Variants in DCC observed in about 807,000 individuals in gnomAD.
DCC encodes the protein netrin receptor DCC.
A neutral mutation model predicts 172.5 loss-of-function variants in DCC; 58 were observed. The ratio of observed to expected loss-of-function variants is 0.34; its 90% CI spans 0.27 to 0.42. DCC has a LOEUF of 0.42. DCC is among the 10% of genes least tolerant of loss of function. The pLI, the probability that DCC is intolerant of heterozygous loss-of-function variation, is 1.00. For synonymous variants in DCC, 709 were observed against 644.5 expected (o/e 1.10, Z -1.52); for missense variants, 1,740 against 1,791.0 (o/e 0.97, Z 0.51).
At chr18:52,576,938 A>T (rs2033428841) in intron 1 of DCC, among the ~76,000 whole-genome samples, 1 of 152,092 alleles carries the variant, frequency 6.6e-6, no homozygotes, top group Non-Finnish European at 1.5e-5. Context: ...AACTCTACAC[A>T]CATTTCATGT....
intron 2 of DCC, among the ~76,000 whole-genome samples, chr18:52,829,716 G>C (rs181778587): frequency 1.7e-4 from 26 of 152,238 alleles, no homozygotes; most frequent in African/African-American, 6.0e-4. Context: ...AAAAATTACT[G>C]AGTGTATACT....
intron 23 of DCC, among the ~76,000 whole-genome samples, chr18:53,453,395 T>A (rs988591711): frequency 6.6e-6 from 1 of 152,206 alleles, no homozygotes; most frequent in Non-Finnish European, 1.5e-5. Flanking sequence ...AATTAATAAG[T>A]TGAAGTAGAA....
intron 5 of DCC, among the ~76,000 whole-genome samples, chr18:52,945,531 C>A (rs1480176670): frequency 1.3e-5 from 2 of 152,134 alleles, no homozygotes; most frequent in African/African-American, 4.8e-5. Flanking sequence ...TCTATTATTG[C>A]TTTATTATTG....
At chr18:53,032,664 G>C (rs1189070231) in intron 5 of DCC, among the ~76,000 whole-genome samples, 1 of 152,044 alleles carries the variant, frequency 6.6e-6, no homozygotes, top group Non-Finnish European at 1.5e-5. Flanking sequence ...AAATGAATAA[G>C]AAAAATGCCC....
chr18:53,099,909 C>T (rs2043139770), intron 7 of DCC, among the ~76,000 whole-genome samples: 1 of 148,168 alleles, frequency 6.7e-6, no homozygotes. Flanking sequence ...GAGTTTCACT[C>T]ACTTAAGAGA....
chr18:52,757,603 G>A (rs13381401), intron 2 of DCC, among the ~76,000 whole-genome samples: 31,441 of 151,762 alleles, frequency 0.21, 4,605 homozygotes, highest in African/African-American at 0.41. Flanking sequence ...TGGGGATGGC[G>A]TGGGACAGGC....
chr18:52,719,552 G>A (rs1251618957), intron 1 of DCC, among the ~76,000 whole-genome samples: 1 of 150,694 alleles, frequency 6.6e-6, no homozygotes, highest in African/African-American at 2.4e-5. Context: ...TAAAGAAACA[G>A]AGACCATCCT....
intron 5 of DCC, among the ~76,000 whole-genome samples, chr18:52,990,195 T>C (rs1568231119): frequency 6.6e-6 from 1 of 152,152 alleles, no homozygotes; most frequent in Non-Finnish European, 1.5e-5. Flanking sequence ...TGATCTTTTC[T>C]CAATACTAGA....
intron 8 of DCC, among the ~76,000 whole-genome samples, chr18:53,158,670 C>T (rs374435838): frequency 6.6e-6 from 1 of 151,976 alleles, no homozygotes; most frequent in African/African-American, 2.4e-5. Context: ...TTTCTGTTAT[C>T]TTTTACAAAT....
chr18:53,130,646 T>C (rs544048337), intron 7 of DCC, among the ~76,000 whole-genome samples: 1 of 152,144 alleles, frequency 6.6e-6, no homozygotes, highest in South Asian at 2.1e-4. Context: ...AATTGTCTTG[T>C]TTTCAACCCC....
intron 5 of DCC, among the ~76,000 whole-genome samples, chr18:52,973,950 C>A (rs547726747): frequency 6.6e-6 from 1 of 152,028 alleles, no homozygotes; most frequent in Admixed American, 6.6e-5. Flanking sequence ...ACACTCATGT[C>A]CTGTTGTATG....
intron 1 of DCC, among the ~76,000 whole-genome samples, chr18:52,400,111 A>T (rs1428403161): frequency 6.6e-6 from 1 of 152,034 alleles, no homozygotes; most frequent in Non-Finnish European, 1.5e-5. Flanking sequence ...AGCAATTCAT[A>T]GCTCAACCCA....
chr18:52,581,043 ATC>A (rs2144777072), intron 1 of DCC, among the ~76,000 whole-genome samples: 1 of 152,336 alleles, frequency 6.6e-6, no homozygotes, highest in Admixed American at 6.5e-5. Context: ...GCTGAAAAGA[ATC>A]TCTCTCTGTC....
chr18:52,602,053 A>G (rs1040893923), intron 1 of DCC, among the ~76,000 whole-genome samples: 1 of 152,134 alleles, frequency 6.6e-6, no homozygotes, highest in Admixed American at 6.6e-5. Flanking sequence ...AGCATCACAT[A>G]TTAGATGAAA....
chr18:52,340,976 G>A (rs1983605541), intron 1 of DCC, 98 bp downstream of exon 1: 1 of 994,102 alleles, frequency 1.0e-6, no homozygotes, highest in Non-Finnish European at 1.6e-6. Flanking sequence ...GTGGGGGATA[G>A]CAAGAGATTT....
intron 1 of DCC, among the ~76,000 whole-genome samples, chr18:52,408,078 TTCTG>T (rs1247049574): frequency 5.9e-5 from 9 of 152,100 alleles, no homozygotes; most frequent in Non-Finnish European, 1.2e-4. Flanking sequence ...ACAATAAGTC[TTCTG>T]TCTTACAGAA....
At chr18:53,488,830 A>G (rs909943200) in intron 26 of DCC, among the ~76,000 whole-genome samples, 9 of 152,110 alleles carry the variant, frequency 5.9e-5, no homozygotes, top group African/African-American at 2.2e-4. Context: ...TTTCTTGTGA[A>G]CCTCAAATGC....
rs79124226 is a variant in DCC, at chr18:52,766,914, A to G, written c.412+14540A>G. 8.5e-5 allele frequency among the ~76,000 whole-genome samples: 13 copies of G among 152,202 alleles called. No individual in the cohort carries two copies. In the East Asian group the frequency reaches 1.9e-3, roughly 23 times the overall value. ...TGTCCCCATCAATGGTAAAAGCTCA[A>G]TAAGTGAGGCTTTATGAAAAACAGA... On this transcript the variant is annotated intron_variant, in intron 2 of 28. Coordinates refer to ENST00000442544, the MANE Select transcript of DCC (RefSeq NM_005215.4).
chr18:52,645,330 A>C (rs573349593), intron 1 of DCC, among the ~76,000 whole-genome samples: 1 of 152,290 alleles, frequency 6.6e-6, no homozygotes, highest in South Asian at 2.1e-4. Flanking sequence ...GTTCTAAGGC[A>C]GTTAAATTTT....
Sources: gnomAD v4.1 joint callset for allele counts (sites outside exome capture counted in the v4.1 genomes callset) on GRCh38, gnomAD v4.1.1 for gene constraint, MANE v1.5 for transcripts, NCBI Gene and HGNC (gene_info 2026-07-23, HGNC 2026-07-21) for gene names.